TOMM70: variants seen among roughly 807,000 people sequenced by gnomAD.
TOMM70 encodes mitochondrial import receptor subunit TOM70.
Under a neutral mutation model 73.6 loss-of-function variants are expected in TOMM70, and 13 were observed. That is an observed-to-expected ratio of 0.18 (90% CI 0.11 to 0.28). The LOEUF is 0.28. Among genes scored for constraint, TOMM70 ranks in the 10% least tolerant of loss-of-function variants. The pLI is 1.00. For missense variants in TOMM70, 609 were observed against 747.5 expected (o/e 0.81, Z 2.16); for synonymous variants, 257 against 271.2 (o/e 0.95, Z 0.51).
At position 100,401,028 on chromosome 3, in the gene TOMM70, G is replaced by A; in HGVS notation, c.-79C>T. 1.4e-6 allele frequency: 2 copies of A among 1,415,184 alleles called. No homozygotes were observed. The highest frequency in any genetic ancestry group is 1.2e-5 in the South Asian group (1 of 80,170). The allele number at this position is 1,415,184 out of a possible 1,614,324, so 87.7% of individuals were successfully genotyped here. A position where few individuals can be genotyped will look rare whatever the true frequency, so the allele number is the denominator to read the frequency against. ...AAACAGCGTGCGAAGGAAGACCGAGGGAGGGAAGGAAAGCAATGAGCGAGC... is the reference window on the plus strand; with the variant it reads ...AAACAGCGTGCGAAGGAAGACCGAGAGAGGGAAGGAAAGCAATGAGCGAGC... On this transcript the variant is annotated 5_prime_UTR_variant, in exon 1 of 12. Transcript: ENST00000284320.
At position 100,400,727 on chromosome 3, in the gene TOMM70, T is replaced by C. The variant is rs775873265; in HGVS notation, c.223A>G (p.Ser75Gly). The C allele has an allele frequency of 4.4e-6, 7 of 1,607,846 alleles. No homozygotes were observed. The highest frequency in any genetic ancestry group is 5.1e-6 in the Non-Finnish European group (6 of 1,178,626). The change falls in exon 1 of 12, where the codon AGC (serine) becomes GGC (glycine). Residue 75 changes from serine to glycine, a missense_variant. Ser to Gly is a moderately conservative substitution (Grantham distance 56). Transcript: ENST00000284320. ...RREARGRGDA[S>G]GLKRNSERKT... ...CGTTCGCTGTTGCGCTTCAGGCCGC[T>C]GGCGTCGCCCCGGCCTCTGGCCTCC...
chr3:100,392,606 T>C lies in TOMM70; in HGVS notation c.325-5628A>G, dbSNP rs150068937. 1.1e-3 allele frequency among the ~76,000 whole-genome samples: 162 copies of C among 151,804 alleles called. 3 individuals carry two copies. The highest frequency in any genetic ancestry group is 1.2e-3 in the East Asian group (6 of 5,098). On this transcript the variant is annotated intron_variant, in intron 1 of 11. Transcript: ENST00000284320. ...AATTTTTGTATTTTTAGTAGAGACA[T>C]AGGGTTTCACAATGTTGGCCAGGCT... is the stretch of plus-strand genomic sequence containing the variant.
At chr3:100,385,465 C>A (rs192400073) in intron 3 of TOMM70, among the ~76,000 whole-genome samples, 58 of 152,272 alleles carry the variant, frequency 3.8e-4, no homozygotes, top group African/African-American at 1.3e-3. Context: ...CAGAAAGGGG[C>A]CTTTTCCTTT....
chr3:100,396,855 C>T (rs920072634), intron 1 of TOMM70, among the ~76,000 whole-genome samples: 3 of 152,168 alleles, frequency 2.0e-5, no homozygotes, highest in Non-Finnish European at 4.4e-5. Flanking sequence ...ATATCCTTTG[C>T]ACTTCCTTTA....
intron 1 of TOMM70, among the ~76,000 whole-genome samples, chr3:100,393,354 C>A (rs926277146): frequency 3.3e-5 from 5 of 151,954 alleles, no homozygotes; most frequent in Non-Finnish European, 5.9e-5. Context: ...AATGGGAAAC[C>A]AAATACCATA....
intron 1 of TOMM70, among the ~76,000 whole-genome samples, chr3:100,398,811 C>T (rs1418555903): frequency 6.6e-6 from 1 of 152,160 alleles, no homozygotes; most frequent in African/African-American, 2.4e-5. Context: ...TAACACAGTC[C>T]ATAAGTTCTT....
intron 1 of TOMM70, among the ~76,000 whole-genome samples, chr3:100,387,579 A>AAGACAC (rs746098688): frequency 3.7e-4 from 52 of 140,280 alleles, no homozygotes; most frequent in East Asian, 1.4e-3. Flanking sequence ...GTCCAGCTAA[A>AAGACAC]AGACACAGAC....
rs1706433012 is a variant in TOMM70 at position 100,365,123 on chromosome 3, A to G, written c.*441T>C. 1 of 153,378 alleles carries G rather than the reference A, an allele frequency of 6.5e-6. No individual in the cohort carries two copies. Among genetic ancestry groups the G allele is most frequent in the Non-Finnish European group, 1.5e-5 (1 of 68,854 alleles). The allele number at this position is 153,378 out of a possible 1,614,324, so 9.5% of individuals were successfully genotyped here. A position where few individuals can be genotyped will look rare whatever the true frequency, so the allele number is the denominator to read the frequency against. ...TCAAAAAATCAACTGAAAGCGGTTA[A>G]CTGAATATAAATCTATTTTACAGCA... On this transcript the variant is annotated 3_prime_UTR_variant, in exon 12 of 12. Coordinates refer to ENST00000284320, the MANE Select transcript of TOMM70 (RefSeq NM_014820.5).
At position 100,377,551 on chromosome 3, in the gene TOMM70, G is replaced by A. The variant is rs1197818561; in HGVS notation, c.1092+154C>T. 3.3e-5 allele frequency: 22 copies of A among 670,112 alleles called. No individual in the cohort carries two copies. In the East Asian group the frequency reaches 5.7e-4, roughly 17 times the overall value. 41.5% of individuals were successfully genotyped at this position (670,112 alleles called of 1,614,324 possible). ...TGATATTTATGTTTTCAGATTCACT[G>A]CACCAACTACATTATTATTAAGAGT... On this transcript the variant is annotated intron_variant, in intron 6 of 11. Coordinates refer to ENST00000284320, the MANE Select transcript of TOMM70 (RefSeq NM_014820.5).
chr3:100,396,552 C>T (rs954307869), intron 1 of TOMM70, among the ~76,000 whole-genome samples: 1 of 152,018 alleles, frequency 6.6e-6, no homozygotes, highest in African/African-American at 2.4e-5. Flanking sequence ...GCCAGGATAC[C>T]ATGCTTGGAA....
chr3:100,365,831 A>T, intron 11 of TOMM70, 114 bp from the exon 12 acceptor site: 3 of 1,197,702 alleles, frequency 2.5e-6, no homozygotes, highest in Non-Finnish European at 3.5e-6. Context: ...ACAATATTCA[A>T]TGAAGGTTGT....
intron 1 of TOMM70, among the ~76,000 whole-genome samples, chr3:100,394,700 A>C (rs1706802184): frequency 6.6e-6 from 1 of 152,032 alleles, no homozygotes; most frequent in African/African-American, 2.4e-5. Context: ...ATGGGGTTTC[A>C]CCATGTTGGC....
intron 8 of TOMM70, 150 bp downstream of exon 8, chr3:100,373,388 C>T: frequency 1.8e-6 from 1 of 553,854 alleles, no homozygotes; most frequent in South Asian, 2.5e-5. Context: ...AATACAAGAG[C>T]TAGGTATCAA....
intron 4 of TOMM70, 49 bp downstream of exon 4, chr3:100,384,430 T>C (rs1420016799): frequency 2.3e-6 from 3 of 1,332,788 alleles, no homozygotes. Context: ...GAAAATACCC[T>C]TCACAATGTA....
intron 7 of TOMM70, among the ~76,000 whole-genome samples, chr3:100,374,610 ATATT>A (rs1191135189): frequency 2.0e-5 from 3 of 152,340 alleles, no homozygotes; most frequent in Admixed American, 2.0e-4. Context: ...AAAGATAAAT[ATATT>A]TATTTTTACT....
intron 1 of TOMM70, among the ~76,000 whole-genome samples, chr3:100,387,593 G>GACACAGACACAC (rs1249139761): frequency 1.0e-5 from 1 of 98,744 alleles, no homozygotes; most frequent in Non-Finnish European, 1.9e-5. Flanking sequence ...CACAGACACA[G>GACACAGACACAC]ACACAGACAC....
chr3:100,374,371 T>C (rs536340764), intron 7 of TOMM70, among the ~76,000 whole-genome samples: 1 of 152,316 alleles, frequency 6.6e-6, no homozygotes, highest in East Asian at 1.9e-4. Context: ...AATAATGCAC[T>C]TCCCTGGCAG....
At chr3:100,391,628 A>G (rs1706763038) in intron 1 of TOMM70, among the ~76,000 whole-genome samples, 1 of 152,206 alleles carries the variant, frequency 6.6e-6, no homozygotes, top group Non-Finnish European at 1.5e-5. Context: ...TTAAGAGACA[A>G]AGTCTCCCTA....
intron 5 of TOMM70, among the ~76,000 whole-genome samples, chr3:100,378,962 G>A (rs554140395): frequency 1.6e-4 from 25 of 152,236 alleles, no homozygotes; most frequent in Non-Finnish European, 2.4e-4. Context: ...AGCTGAGATC[G>A]CGCCACTACA....
Sources: gnomAD v4.1 joint callset for allele counts (sites outside exome capture counted in the v4.1 genomes callset) on GRCh38, gnomAD v4.1.1 for gene constraint, MANE v1.5 for transcripts, NCBI Gene and HGNC (gene_info 2026-07-23, HGNC 2026-07-21) for gene names.